TENT4B: variants seen among roughly 807,000 people sequenced by gnomAD.
The protein encoded by TENT4B is terminal nucleotidyltransferase 4B.
TENT4B carries 10 observed loss-of-function variants against 75.0 expected under a neutral mutation model. The observed-to-expected ratio is 0.13, with a 90% CI of 0.08 to 0.23. The LOEUF (loss-of-function observed/expected upper bound fraction) is 0.23. Ranked by LOEUF, TENT4B falls within the 10% of genes least tolerant of loss-of-function variation. TENT4B has a pLI of 1.00. For synonymous variants in TENT4B, 350 were observed against 357.7 expected, an observed-to-expected ratio of 0.98 and a Z score of 0.24; for missense variants, 579 against 893.8, an observed-to-expected ratio of 0.65 and a Z score of 4.49.
rs145062138 is a variant in TENT4B at position 50,195,329 on chromosome 16, C to T, written c.639-15994C>T. 7.9e-5 allele frequency among the ~76,000 whole-genome samples: 12 copies of T among 152,350 alleles called. No individual in the cohort carries two copies. The East Asian group carries it at 2.3e-3, about 29-fold the overall frequency. Reference sequence around the variant, plus strand: ...AATGTGGAAGGCACTCTTATCTCATCATATAGCTTTGAAAGCCTAGCATTG... The same window carrying T: ...AATGTGGAAGGCACTCTTATCTCATTATATAGCTTTGAAAGCCTAGCATTG... On this transcript the variant is annotated intron_variant, in intron 1 of 11. Coordinates refer to ENST00000561678, the MANE Select transcript of TENT4B (RefSeq NM_001365324.3).
At chr16:50,220,413 C>T (rs994019446) in intron 5 of TENT4B, among the ~76,000 whole-genome samples, 9 of 151,676 alleles carry the variant, frequency 5.9e-5, no homozygotes, top group African/African-American at 1.9e-4. Flanking sequence ...CTCCTGGGCT[C>T]AAGCAGTCCT....
At chr16:50,175,341 T>G (rs2038285677) in intron 1 of TENT4B, among the ~76,000 whole-genome samples, 1 of 152,242 alleles carries the variant, frequency 6.6e-6, no homozygotes. Context: ...GCTTTTGGTA[T>G]TGTGTCTAGA....
rs986413094 is a variant in TENT4B, at chr16:50,153,863, C to G, written c.242C>G (p.Ala81Gly). The G allele has an allele frequency of 2.1e-6, 3 of 1,424,508 alleles. No homozygotes were observed. In the African/African-American group the frequency reaches 4.5e-5, roughly 21 times the overall value. 88.2% of individuals were successfully genotyped at this position (1,424,508 alleles called of 1,614,324 possible). A position where few individuals can be genotyped will look rare whatever the true frequency, so the allele number is the denominator to read the frequency against. Residue 81 changes from alanine (A) to glycine (G), a missense_variant, in exon 1 of 12, where the codon GCC becomes GGC. Physicochemically the swap from Ala to Gly is moderately conservative, Grantham distance 60. This residue lies in a region of TENT4B where 253 missense variants were observed against 270.1 expected (regional missense o/e 0.94). Transcript: ENST00000561678. ...GCCTCGGCCCCGGCCCCGGCCCCGGCCGGCATGTATCGCTCCGGGGAGCGC... is the reference window on the plus strand; with the variant it reads ...GCCTCGGCCCCGGCCCCGGCCCCGGGCGGCATGTATCGCTCCGGGGAGCGC... ...GAASAPAPAP[A>G]GMYRSGERLL... is the part of the protein sequence containing the mutation.
At position 50,153,443 on chromosome 16, in the gene TENT4B, G is replaced by A. The variant is rs1478989076; in HGVS notation, c.-179G>A. On this transcript the variant is annotated 5_prime_UTR_variant, in exon 1 of 12. Transcript: ENST00000561678. ...CGAGGGCGGGAGCGACGCCGCCGGC[G>A]CCGGCCGGGCTCCCTGCGCGACCGC... 13 of 880,836 alleles carry A rather than the reference G, an allele frequency of 1.5e-5. No individual in the cohort carries two copies. Among genetic ancestry groups the A allele is most frequent in the African/African-American group, 1.8e-5 (1 of 54,556 alleles). 54.6% of individuals were successfully genotyped at this position (880,836 alleles called of 1,614,324 possible).
Position 50,223,334 on chromosome 16 carries a change from T to C in TENT4B, c.1328T>C (p.Met443Thr). Residue 443 changes from methionine to threonine, a missense_variant, in exon 7 of 12, where the codon ATG (methionine) becomes ACG (threonine). Physicochemically the swap from Met to Thr is moderately conservative, Grantham distance 81. Around this residue, in one of 7 missense-constraint regions of TENT4B, gnomAD observed 71 missense variants for 210.6 expected, o/e 0.34. Transcript: ENST00000561678. The stretch of plus-strand genomic sequence containing the variant: ...GCCAAAGATGAAGTACAGAAAAATA[T>C]GCTAGATGGCTACAGGCCATCAATG... ...YVAKDEVQKN[M>T]LDGYRPSMLY... 6.2e-7 allele frequency: 1 copy of C among 1,613,780 alleles called. No individual in the cohort carries two copies. Among genetic ancestry groups the C allele is most frequent in the Non-Finnish European group, 8.5e-7 (1 of 1,179,780 alleles).
chr16:50,190,062 T>G (rs1191935180), intron 1 of TENT4B, among the ~76,000 whole-genome samples: 3 of 124,132 alleles, frequency 2.4e-5, no homozygotes, highest in African/African-American at 9.5e-5. Flanking sequence ...GGCAACAGAG[T>G]GAGACTCTGT....
chr16:50,233,940 T>C lies in TENT4B; in HGVS notation c.*4612T>C. 1.0e-6 allele frequency: 1 copy of C among 985,440 alleles called. No individual in the cohort carries two copies. The highest frequency in any genetic ancestry group is 1.2e-6 in the Non-Finnish European group (1 of 829,934). 61.0% of individuals were successfully genotyped at this position (985,440 alleles called of 1,614,324 possible). On this transcript the variant is annotated 3_prime_UTR_variant, in exon 12 of 12. Coordinates refer to ENST00000561678, the MANE Select transcript of TENT4B (RefSeq NM_001365324.3). ...TCTCTTGTGTATTTCAGTGAACATT[T>C]TTATTAGTAGTTGCATATCATCTCT...
chr16:50,178,556 T>C (rs1006032033), intron 1 of TENT4B, among the ~76,000 whole-genome samples: 1 of 152,114 alleles, frequency 6.6e-6, no homozygotes, highest in Non-Finnish European at 1.5e-5. Context: ...GCAACCCAAG[T>C]GTCCATCAAT....
At chr16:50,217,168 T>G (rs2031600990) in intron 4 of TENT4B, among the ~76,000 whole-genome samples, 1 of 152,234 alleles carries the variant, frequency 6.6e-6, no homozygotes, top group Non-Finnish European at 1.5e-5. Context: ...TCATTATAAC[T>G]ATATGTCAAC....
chr16:50,160,860 A>G (rs1362080375), intron 1 of TENT4B, among the ~76,000 whole-genome samples: 1 of 152,202 alleles, frequency 6.6e-6, no homozygotes, highest in Non-Finnish European at 1.5e-5. Flanking sequence ...TTAGTGGTGG[A>G]AACTATTTCA....
At chr16:50,211,607 T>C (rs2031282281) in intron 2 of TENT4B, among the ~76,000 whole-genome samples, 161 bp downstream of exon 2, 1 of 152,246 alleles carries the variant, frequency 6.6e-6, no homozygotes, top group African/African-American at 2.4e-5. Flanking sequence ...CTGCAGTCTT[T>C]AGAATTGAGG....
intron 1 of TENT4B, among the ~76,000 whole-genome samples, chr16:50,178,678 T>C (rs74250734): frequency 1.3e-5 from 2 of 152,172 alleles, no homozygotes; most frequent in Non-Finnish European, 2.9e-5. Context: ...CAGATCATTA[T>C]GCTAAATGAG....
intron 1 of TENT4B, among the ~76,000 whole-genome samples, chr16:50,177,272 G>C (rs2038328549): frequency 1.3e-5 from 2 of 151,984 alleles, no homozygotes; most frequent in African/African-American, 4.8e-5. Context: ...CAATGTGCTG[G>C]GATTACAGGC....
intron 1 of TENT4B, among the ~76,000 whole-genome samples, chr16:50,189,821 C>A (rs994065554): frequency 1.1e-4 from 16 of 151,704 alleles, no homozygotes; most frequent in South Asian, 4.1e-4. Context: ...CCGAGGCAGG[C>A]AGATCACTTG....
At chr16:50,223,123 C>T (rs2031902542) in intron 6 of TENT4B, 51 bp from the exon 7 acceptor site, 1 of 1,404,778 alleles carries the variant, frequency 7.1e-7, no homozygotes. Context: ...TTCCCCCTCT[C>T]CTTGATAATT....
intron 1 of TENT4B, among the ~76,000 whole-genome samples, chr16:50,180,054 C>T (rs1411694127): frequency 6.6e-6 from 1 of 151,928 alleles, no homozygotes; most frequent in East Asian, 1.9e-4. Flanking sequence ...TTCTCAGGTA[C>T]TCTGATAAAA....
chr16:50,234,768 G>A lies in TENT4B; in HGVS notation c.*5440G>A, dbSNP rs2032396688. 1.0e-6 allele frequency: 1 copy of A among 985,346 alleles called. No individual in the cohort carries two copies. Among genetic ancestry groups the A allele is most frequent in the South Asian group, 4.7e-5 (1 of 21,288 alleles). The allele number at this position is 985,346 out of a possible 1,614,324, so 61.0% of individuals were successfully genotyped here. On this transcript the variant is annotated 3_prime_UTR_variant, in exon 12 of 12. Coordinates refer to ENST00000561678, the MANE Select transcript of TENT4B (RefSeq NM_001365324.3). ...TAACACACATTGTTATGGGTGAAAAGTGAGGGACGACCAGTGTAGTTTCTG... is the reference window on the plus strand; with the variant it reads ...TAACACACATTGTTATGGGTGAAAAATGAGGGACGACCAGTGTAGTTTCTG...
intron 1 of TENT4B, among the ~76,000 whole-genome samples, chr16:50,204,736 G>C (rs1470227726): frequency 6.6e-6 from 1 of 152,198 alleles, no homozygotes; most frequent in African/African-American, 2.4e-5. Flanking sequence ...GGAAAGTCCT[G>C]CTAGCAGTTT....
Position 50,230,747 on chromosome 16 carries a change from A to G in TENT4B, c.*1419A>G. 1.0e-6 allele frequency: 1 copy of G among 985,802 alleles called. No homozygotes were observed. The highest frequency in any genetic ancestry group is 1.2e-6 in the Non-Finnish European group (1 of 829,886). The allele number at this position is 985,802 out of a possible 1,614,324, so 61.1% of individuals were successfully genotyped here. Reference sequence around the variant, plus strand: ...CAGCTTTGAGTGCAATGAGATGTATAATTCTGTTATCATTACCTGTTGAGT... The same window carrying G: ...CAGCTTTGAGTGCAATGAGATGTATGATTCTGTTATCATTACCTGTTGAGT... On this transcript the variant is annotated 3_prime_UTR_variant, in exon 12 of 12. Transcript: ENST00000561678.
Sources: gnomAD v4.1 joint callset for allele counts (sites outside exome capture counted in the v4.1 genomes callset) on GRCh38, gnomAD v4.1.1 for gene constraint, gnomAD v4.1.1 regional missense constraint, MANE v1.5 for transcripts, NCBI Gene and HGNC (gene_info 2026-07-23, HGNC 2026-07-21) for gene names.